The following QTRT1 variants were observed in gnomAD, a reference collection of about 807,000 sequenced individuals.
QTRT1 encodes queuine tRNA-ribosyltransferase catalytic subunit 1.
Under a neutral mutation model 44.0 loss-of-function variants are expected in QTRT1, and 41 were observed. The ratio of observed to expected loss-of-function variants is 0.93; its 90% CI spans 0.73 to 1.21. The LOEUF (loss-of-function observed/expected upper bound fraction) is 1.21. Among genes scored for constraint, QTRT1 ranks in the 50% most tolerant of loss-of-function variants. QTRT1 has a pLI of 0.00. For synonymous variants in QTRT1, 226 were observed against 237.1 expected (o/e 0.95, Z 0.43); for missense variants, 542 against 575.8 (o/e 0.94, Z 0.60).
intron 3 of QTRT1, among the ~76,000 whole-genome samples, chr19:10,704,385 C>A (rs1291297003): frequency 2.6e-5 from 4 of 151,878 alleles, no homozygotes; most frequent in Non-Finnish European, 5.9e-5. Context: ...GCTCCGCCTC[C>A]TGGGTTCATG....
At position 10,712,457 on chromosome 19, in the gene QTRT1, G is replaced by A; in HGVS notation, c.786-96G>A. ...GCTGTCCCTTGGGGGCCATTCTGAG[G>A]GAATATGGCCCAGTCTGGGGCAGTG... On this transcript the variant is annotated intron_variant, in intron 6 of 9. Coordinates refer to ENST00000250237, the MANE Select transcript of QTRT1 (RefSeq NM_031209.3). The surrounding 1 kb of genome is among the most constrained non-coding windows in gnomAD (Gnocchi z 5.6). 1 of 1,449,288 alleles carries A rather than the reference G, an allele frequency of 6.9e-7. No homozygotes were observed. Among genetic ancestry groups the A allele is most frequent in the Non-Finnish European group, 9.7e-7 (1 of 1,035,404 alleles). 89.8% of individuals were successfully genotyped at this position (1,449,288 alleles called of 1,614,324 possible).
Position 10,712,196 on chromosome 19 carries a change from G to T in QTRT1, c.682G>T (p.Gly228Trp), listed in dbSNP as rs748388439. 2.5e-6 allele frequency: 4 copies of T among 1,613,616 alleles called. No individual in the cohort carries two copies. The highest frequency in any genetic ancestry group is 1.7e-6 in the Non-Finnish European group (2 of 1,180,048). ...TKRDVPGFAI[G>W]GLSGGESKSQ... Reference sequence around the variant, plus strand: ...GCGAGACGTGCCTGGCTTCGCCATCGGGGGCCTGAGCGGGGGTGAGAGCAA... The same window carrying T: ...GCGAGACGTGCCTGGCTTCGCCATCTGGGGCCTGAGCGGGGGTGAGAGCAA... Residue 228 changes from glycine (G) to tryptophan (W), a missense_variant, in exon 6 of 10, where the codon GGG becomes TGG. By Grantham distance (184) the Gly-to-Trp change is radical. Transcript: ENST00000250237. This position sits in a 1 kb window ranked among gnomAD's most constrained non-coding sequence, Gnocchi z 5.6.
At chr19:10,707,154 TA>T (rs2068717413) in intron 3 of QTRT1, 147 bp from the exon 4 acceptor site, 1 of 745,670 alleles carries the variant, frequency 1.3e-6, no homozygotes, top group Admixed American at 2.0e-5. Context: ...GGCTGCTGTA[TA>T]AACAGACCGG....
At chr19:10,710,321 T>A (rs2068732656) in intron 5 of QTRT1, among the ~76,000 whole-genome samples, 1 of 152,146 alleles carries the variant, frequency 6.6e-6, no homozygotes, top group Admixed American at 6.6e-5. Flanking sequence ...TTTTATTTAT[T>A]TTTTATTTTT....
At chr19:10,708,743 G>A (rs2068725605) in intron 5 of QTRT1, among the ~76,000 whole-genome samples, 1 of 149,590 alleles carries the variant, frequency 6.7e-6, no homozygotes, top group Non-Finnish European at 1.5e-5. Flanking sequence ...CCCAGACAAC[G>A]CCTGCATTCC....
Position 10,704,938 on chromosome 19 carries a change from T to C in QTRT1, c.452-2364T>C, listed in dbSNP as rs558894618. Reference sequence around the variant, plus strand: ...GTAATTTTTTTTTTTTTTTTTGATGTGGAATCTCGCTCTGTCACCTAGGCT... The same window carrying C: ...GTAATTTTTTTTTTTTTTTTTGATGCGGAATCTCGCTCTGTCACCTAGGCT... On this transcript the variant is annotated intron_variant, in intron 3 of 9. Transcript: ENST00000250237. Among the ~76,000 whole-genome samples the C allele has an allele frequency of 4.0e-5, 6 of 149,596 alleles. No individual in the cohort carries two copies. In the East Asian group the frequency reaches 1.2e-3, roughly 30 times the overall value.
At chr19:10,703,595 C>T (rs2068699820) in intron 3 of QTRT1, among the ~76,000 whole-genome samples, 1 of 152,248 alleles carries the variant, frequency 6.6e-6, no homozygotes, top group Middle Eastern at 3.4e-3. Flanking sequence ...TCATGACTCA[C>T]TGCAACAGCT....
In QTRT1 at chr19:10,702,122, G is replaced by A; in HGVS notation, c.319G>A (p.Gly107Ser). The change falls in exon 3 of 10, where the codon GGC becomes AGC. Residue 107 changes from glycine to serine, a missense_variant. Coordinates refer to ENST00000250237, the MANE Select transcript of QTRT1 (RefSeq NM_031209.3). The stretch of plus-strand genomic sequence containing the variant: ...GCGGTGGGGTTTCCCTTAGGACAGC[G>A]GCGGTTTCCAGATGGTGTCGCTGGT... ...NWPHNLLTDS[G>S]GFQMVSLVSL... 1 of 1,614,166 alleles carries A rather than the reference G, an allele frequency of 6.2e-7. No homozygotes were observed. Among genetic ancestry groups the A allele is most frequent in the Non-Finnish European group, 8.5e-7 (1 of 1,180,034 alleles).
At chr19:10,710,192 A>C (rs1479217922) in intron 5 of QTRT1, among the ~76,000 whole-genome samples, 2 of 152,284 alleles carry the variant, frequency 1.3e-5, no homozygotes, top group East Asian at 3.9e-4. Context: ...CTCAAAAAAA[A>C]AGAAGAAAAG....
chr19:10,711,859 G>C, intron 5 of QTRT1: 4 of 503,868 alleles, frequency 7.9e-6, no homozygotes, highest in Non-Finnish European at 1.4e-5. Flanking sequence ...TCAGCTAAGG[G>C]ACTGTGGGCT....
At chr19:10,706,737 C>CA (rs1483227048) in intron 3 of QTRT1, 1 of 147,972 alleles carries the variant, frequency 6.8e-6, no homozygotes. Flanking sequence ...GGCTGGAGTG[C>CA]AGTGGCACAA....
rs1256460184 is a variant in QTRT1 at position 10,701,651 on chromosome 19, C to G, written c.191C>G (p.Ala64Gly). Residue 64 changes from alanine (A) to glycine (G), a missense_variant, in exon 1 of 10, where the codon GCT becomes GGT. Coordinates refer to ENST00000250237, the MANE Select transcript of QTRT1 (RefSeq NM_031209.3). The stretch of plus-strand genomic sequence containing the variant: ...GGCATCACGACCGAACAGCTGGACG[C>G]TCTGGGTTGCCGCATCTGCCTGGGC... ...MKGITTEQLD[A>G]LGCRICLGNT... 6 of 1,595,840 alleles carry G rather than the reference C, an allele frequency of 3.8e-6. No homozygotes were observed. The highest frequency in any genetic ancestry group is 5.1e-6 in the Non-Finnish European group (6 of 1,172,448).
chr19:10,705,114 C>T (rs1487925714), intron 3 of QTRT1, among the ~76,000 whole-genome samples: 1 of 151,638 alleles, frequency 6.6e-6, no homozygotes, highest in African/African-American at 2.4e-5. Context: ...GGGGTTTCAC[C>T]TTGTTGGTCA....
At position 10,712,059 on chromosome 19, in the gene QTRT1, C is replaced by G; in HGVS notation, c.647-102C>G. On this transcript the variant is annotated intron_variant, in intron 5 of 9. Transcript: ENST00000250237. This position sits in a 1 kb window ranked among gnomAD's most constrained non-coding sequence, Gnocchi z 5.6. ...TCTGTCTCTGTCTGTTTCTCTGACTCTCTCCCTGAGCGACTCTGGAAGTCT... is the reference window on the plus strand; with the variant it reads ...TCTGTCTCTGTCTGTTTCTCTGACTGTCTCCCTGAGCGACTCTGGAAGTCT... 6.9e-7 allele frequency: 1 copy of G among 1,451,512 alleles called. No individual in the cohort carries two copies. Among genetic ancestry groups the G allele is most frequent in the African/African-American group, 1.4e-5 (1 of 71,934 alleles). The allele number at this position is 1,451,512 out of a possible 1,614,324, so 89.9% of individuals were successfully genotyped here.
At chr19:10,705,840 CTTTTTTTT>C (rs71164114) in intron 3 of QTRT1, among the ~76,000 whole-genome samples, 6 of 37,700 alleles carry the variant, frequency 1.6e-4, no homozygotes, top group Non-Finnish European at 2.4e-4. Context: ...CTGGCCTGTT[CTTTTTTTT>C]TTTTTTTTTT....
chr19:10,707,901 A>G (rs148007583), intron 5 of QTRT1, among the ~76,000 whole-genome samples: 189 of 150,552 alleles, frequency 1.3e-3, no homozygotes, highest in African/African-American at 4.5e-3. Context: ...TGCTGGGATT[A>G]TAGTCATGAG....
At chr19:10,705,310 C>G (rs565386943) in intron 3 of QTRT1, among the ~76,000 whole-genome samples, 3 of 151,800 alleles carry the variant, frequency 2.0e-5, no homozygotes, top group Admixed American at 1.3e-4. Context: ...ACTGTGTTGG[C>G]TTACTGCAAC....
intron 5 of QTRT1, among the ~76,000 whole-genome samples, chr19:10,710,799 T>G (rs1319476654): frequency 2.6e-5 from 4 of 151,574 alleles, no homozygotes; most frequent in Non-Finnish European, 5.9e-5. Context: ...GGTGGGCGAC[T>G]GTAGTCCCAG....
At chr19:10,705,072 C>T (rs1209800012) in intron 3 of QTRT1, among the ~76,000 whole-genome samples, 4 of 149,248 alleles carry the variant, frequency 2.7e-5, no homozygotes, top group Admixed American at 6.7e-5. Context: ...CCTGCCACCA[C>T]GCCTGGTAAT....
Sources: gnomAD v4.1 joint callset for allele counts (sites outside exome capture counted in the v4.1 genomes callset) on GRCh38, gnomAD v4.1.1 for gene constraint, Gnocchi (gnomAD v3.1) non-coding constraint, MANE v1.5 for transcripts, NCBI Gene and HGNC (gene_info 2026-07-23, HGNC 2026-07-21) for gene names.